Variants in SYT1 observed in about 807,000 individuals in gnomAD.
SYT1 encodes synaptotagmin-1.
A neutral mutation model predicts 44.8 loss-of-function variants in SYT1; 8 were observed. The observed-to-expected ratio is 0.18, with a 90% CI of 0.10 to 0.32. The LOEUF (loss-of-function observed/expected upper bound fraction) is 0.32, where lower values mean the gene tolerates loss of function less well. Ranked by LOEUF, SYT1 falls within the 10% of genes least tolerant of loss-of-function variation. The probability of loss-of-function intolerance (pLI) is 1.00; values close to 1 mark genes in which losing one functional copy is unlikely to be tolerated. For synonymous variants in SYT1, 154 were observed against 188.8 expected, an observed-to-expected ratio of 0.82 and a Z score of 1.51; for missense variants, 286 against 509.3, an observed-to-expected ratio of 0.56 and a Z score of 4.22.
intron 2 of SYT1, among the ~76,000 whole-genome samples, chr12:78,990,078 A>G (rs1049101363): frequency 6.6e-6 from 1 of 152,138 alleles, no homozygotes; most frequent in Non-Finnish European, 1.5e-5. Context: ...GGATTTTGGA[A>G]AATAAGTTTC....
chr12:78,993,949 T>G (rs549968651), intron 2 of SYT1, among the ~76,000 whole-genome samples: 1 of 152,284 alleles, frequency 6.6e-6, no homozygotes, highest in African/African-American at 2.4e-5. Flanking sequence ...CTGACACAAC[T>G]TAATAATTAT....
intron 1 of SYT1, among the ~76,000 whole-genome samples, chr12:78,909,571 A>G (rs1257270408): frequency 6.6e-6 from 1 of 151,926 alleles, no homozygotes; most frequent in Non-Finnish European, 1.5e-5. Context: ...ATTTGCTGAC[A>G]TATTTTTCTT....
At chr12:79,072,874 CAA>C (rs923083379) in intron 3 of SYT1, among the ~76,000 whole-genome samples, 1 of 152,034 alleles carries the variant, frequency 6.6e-6, no homozygotes, top group Non-Finnish European at 1.5e-5. Context: ...TCTCTGCCCT[CAA>C]ATAGGTTAAC....
chr12:79,189,248 T>C (rs1209905647), intron 3 of SYT1, among the ~76,000 whole-genome samples: 1 of 152,146 alleles, frequency 6.6e-6, no homozygotes, highest in African/African-American at 2.4e-5. Flanking sequence ...TTCTATCACT[T>C]TACTAGCTCT....
At chr12:79,131,002 T>C (rs1323478510) in intron 3 of SYT1, among the ~76,000 whole-genome samples, 1 of 152,182 alleles carries the variant, frequency 6.6e-6, no homozygotes, top group Non-Finnish European at 1.5e-5. Context: ...CCCACTGCAT[T>C]ACAACCATTT....
chr12:79,075,138 C>T (rs1189895290), intron 3 of SYT1, among the ~76,000 whole-genome samples: 1 of 152,182 alleles, frequency 6.6e-6, no homozygotes, highest in Non-Finnish European at 1.5e-5. Flanking sequence ...TGTCTAATCT[C>T]TTTAATTTTA....
intron 4 of SYT1, among the ~76,000 whole-genome samples, chr12:79,244,213 T>C (rs1382954339): frequency 6.6e-6 from 1 of 152,214 alleles, no homozygotes; most frequent in Non-Finnish European, 1.5e-5. Flanking sequence ...ATTAATACCT[T>C]CATCACTATC....
chr12:79,044,720 C>T (rs1873871991), intron 2 of SYT1, among the ~76,000 whole-genome samples: 1 of 149,936 alleles, frequency 6.7e-6, no homozygotes, highest in African/African-American at 2.5e-5. Context: ...TTTAGAGTTT[C>T]CAGTTTTTCT....
At chr12:79,147,370 T>A (rs576534289) in intron 3 of SYT1, among the ~76,000 whole-genome samples, 1 of 152,294 alleles carries the variant, frequency 6.6e-6, no homozygotes, top group Admixed American at 6.5e-5. Context: ...GTTCCCCTAA[T>A]CACAAACTTT....
intron 3 of SYT1, among the ~76,000 whole-genome samples, chr12:79,112,366 G>T (rs1879062043): frequency 1.3e-5 from 2 of 152,044 alleles, no homozygotes. Context: ...AGCCAGTTTA[G>T]TAAGAGTGAT....
intron 4 of SYT1, among the ~76,000 whole-genome samples, chr12:79,245,191 C>T (rs138967114): frequency 2.6e-3 from 391 of 151,692 alleles, no homozygotes; most frequent in Non-Finnish European, 4.4e-3. Flanking sequence ...TATTGCCGGG[C>T]GCGGTGGCTC....
intron 2 of SYT1, among the ~76,000 whole-genome samples, chr12:79,044,989 C>T (rs917274157): frequency 6.6e-5 from 10 of 152,202 alleles, no homozygotes; most frequent in Non-Finnish European, 1.3e-4. Context: ...CTCAGATCTG[C>T]AGCTGCGTGC....
At chr12:78,876,616 CAT>C (rs1285350983) in intron 1 of SYT1, among the ~76,000 whole-genome samples, 1 of 136,504 alleles carries the variant, frequency 7.3e-6, no homozygotes, top group Admixed American at 8.1e-5. Context: ...AATATATACA[CAT>C]ATGTATATAC....
chr12:78,989,324 C>T (rs947740534), intron 2 of SYT1, among the ~76,000 whole-genome samples: 15 of 151,888 alleles, frequency 9.9e-5, no homozygotes, highest in Non-Finnish European at 1.9e-4. Context: ...TTAAAGAATA[C>T]CTTACTAAAA....
intron 9 of SYT1, among the ~76,000 whole-genome samples, chr12:79,411,707 A>G (rs994310166): frequency 6.6e-6 from 1 of 152,190 alleles, no homozygotes; most frequent in Non-Finnish European, 1.5e-5. Context: ...GTGCTAAGCA[A>G]TCATAAAACT....
intron 3 of SYT1, among the ~76,000 whole-genome samples, chr12:79,062,693 G>T (rs1385272408): frequency 1.3e-5 from 2 of 152,196 alleles, no homozygotes; most frequent in African/African-American, 4.8e-5. Context: ...CACACGGAAT[G>T]TGAGATGGCT....
At chr12:78,918,792 G>A (rs1046472676) in intron 1 of SYT1, among the ~76,000 whole-genome samples, 4 of 152,020 alleles carry the variant, frequency 2.6e-5, no homozygotes, top group Non-Finnish European at 5.9e-5. Flanking sequence ...ACTGATTATA[G>A]TACATCCATA....
At chr12:79,270,778 C>G (rs1408470547) in intron 4 of SYT1, among the ~76,000 whole-genome samples, 1 of 152,138 alleles carries the variant, frequency 6.6e-6, no homozygotes, top group Admixed American at 6.5e-5. Context: ...TAAGGAAAAG[C>G]CCCTTGAGAT....
intron 3 of SYT1, among the ~76,000 whole-genome samples, chr12:79,179,850 A>G (rs1446068272): frequency 6.6e-6 from 1 of 152,086 alleles, no homozygotes; most frequent in Non-Finnish European, 1.5e-5. Context: ...ATGTATATTG[A>G]AACTAACTTT....
Sources: allele counts gnomAD v4.1 joint callset (sites outside exome capture counted in the v4.1 genomes callset), GRCh38; gene constraint gnomAD v4.1.1; transcripts MANE v1.5; gene names NCBI Gene and HGNC (gene_info 2026-07-23, HGNC 2026-07-21).